Variants in TBC1D16 observed in about 807,000 individuals in gnomAD.
The protein encoded by TBC1D16 is TBC1 domain family member 16.
In TBC1D16, 58 loss-of-function variants were observed where a neutral mutation model predicts 74.7. The ratio of observed to expected loss-of-function variants is 0.78; its 90% CI spans 0.63 to 0.97. The LOEUF is 0.97. Among genes scored for constraint, TBC1D16 ranks in the 50% least tolerant of loss-of-function variants. The pLI is 0.00. For missense variants in TBC1D16, 1,014 were observed against 1,079.5 expected (o/e 0.94, Z 0.85); for synonymous variants, 493 against 474.7 (o/e 1.04, Z -0.50).
At chr17:80,002,250 C>T (rs1419443639) in intron 3 of TBC1D16, among the ~76,000 whole-genome samples, 2 of 152,170 alleles carry the variant, frequency 1.3e-5, no homozygotes, top group African/African-American at 2.4e-5. Flanking sequence ...TCCTCTGTGC[C>T]GTGTAGGAGG....
Position 79,943,897 on chromosome 17 carries a change from G to C in TBC1D16, c.1908+1011C>G, listed in dbSNP as rs770341510. ...AATGAGGCACGATTTTTTTTAATTC[G>C]GGAGTGGTGGGAATGAAGCCTCTCA... On this transcript the variant is annotated intron_variant, in intron 10 of 11. Transcript: ENST00000310924. 2.8e-6 allele frequency: 4 copies of C among 1,405,314 alleles called. No homozygotes were observed. In the Admixed American group the frequency reaches 1.2e-4, roughly 42 times the overall value. The allele number at this position is 1,405,314 out of a possible 1,614,324, so 87.1% of individuals were successfully genotyped here.
In TBC1D16 at chr17:79,983,256, A is replaced by G. The variant is rs1265746613; in HGVS notation, c.779+26904T>C. 6.6e-6 allele frequency among the ~76,000 whole-genome samples: 1 copy of G among 152,232 alleles called. No individual in the cohort carries two copies. The highest frequency in any genetic ancestry group is 2.4e-5 in the African/African-American group (1 of 41,460). The stretch of plus-strand genomic sequence containing the variant: ...CAGGGCATGAATTGAGAATGGCAAG[A>G]CAGACCATGTAATCTCAGGGACTCT... On this transcript the variant is annotated intron_variant, in intron 3 of 11. Transcript: ENST00000310924. The surrounding 1 kb of genome is among the most constrained non-coding windows in gnomAD (Gnocchi z 5.6).
chr17:80,007,771 C>G lies in TBC1D16; in HGVS notation c.779+2389G>C, dbSNP rs1284843187. ...TGAGGCAGAGAGAGCCCCACAAGAT[C>G]TAGAGGCAGAGAGGACGACGAACTT... On this transcript the variant is annotated intron_variant, in intron 3 of 11. Coordinates refer to ENST00000310924, the MANE Select transcript of TBC1D16 (RefSeq NM_019020.4). This position sits in a 1 kb window ranked among gnomAD's most constrained non-coding sequence, Gnocchi z 4.5. Among the ~76,000 whole-genome samples, 6 of 152,078 alleles carry G rather than the reference C, an allele frequency of 3.9e-5. No homozygotes were observed. The highest frequency in any genetic ancestry group is 2.9e-5 in the Non-Finnish European group (2 of 67,998).
intron 1 of TBC1D16, among the ~76,000 whole-genome samples, chr17:80,027,708 A>G (rs765246451): frequency 6.6e-6 from 1 of 151,768 alleles, no homozygotes; most frequent in Non-Finnish European, 1.5e-5. Context: ...CCTGGCCAAC[A>G]TGGCGAAACC....
intron 1 of TBC1D16, among the ~76,000 whole-genome samples, chr17:80,024,482 C>CAT: frequency 2.9e-5 from 4 of 137,810 alleles, no homozygotes; most frequent in South Asian, 2.2e-4. Flanking sequence ...CACCACACAC[C>CAT]ATAGACACAC....
In TBC1D16 at chr17:80,024,684, CAT is replaced by C. The variant is rs1320819105; in HGVS notation, c.-62-11077_-62-11076del. Among the ~76,000 whole-genome samples, 36 of 24,520 alleles carry C rather than the reference CAT, an allele frequency of 1.5e-3. 1 individual carries two copies. The South Asian group carries it at 0.021, about 14-fold the overall frequency. The allele number at this position is 24,520 out of a possible 152,430, so 16.1% of individuals were successfully genotyped here. ...ACCATAGACACACAGACACACATGC[CAT>C]AGACACACATGCCACACACGACACA... On this transcript the variant is annotated intron_variant, in intron 1 of 11. Coordinates refer to ENST00000310924, the MANE Select transcript of TBC1D16 (RefSeq NM_019020.4).
In TBC1D16 at chr17:79,940,906, T is replaced by G. The variant is rs1409226844; in HGVS notation, c.2257A>C (p.Lys753Gln). Residue 753 changes from lysine to glutamine, a missense_variant, in exon 12 of 12, where the codon AAG becomes CAG. By Grantham distance (53) the Lys-to-Gln change is moderately conservative (BLOSUM62 1). Coordinates refer to ENST00000310924, the MANE Select transcript of TBC1D16 (RefSeq NM_019020.4). The surrounding 1 kb of genome is among the most constrained non-coding windows in gnomAD (Gnocchi z 5.4). ...TCCTGCGGCGTCTTTGGGCCCTTCT[T>G]GCCTTCCCTCAGGGACTTGGGGGAA... Reference protein sequence around the residue: ...MPSPKSLREGKKGPKTPQDGF... With the variant: ...MPSPKSLREGQKGPKTPQDGF... 2 of 1,584,484 alleles carry G rather than the reference T, an allele frequency of 1.3e-6. No individual in the cohort carries two copies. Among genetic ancestry groups the G allele is most frequent in the Non-Finnish European group, 1.7e-6 (2 of 1,161,086 alleles).
In TBC1D16 at chr17:79,956,052, C is replaced by T. The variant is rs997191744; in HGVS notation, c.780-3234G>A. Among the ~76,000 whole-genome samples the T allele has an allele frequency of 2.6e-5, 4 of 152,144 alleles. No individual in the cohort carries two copies. Among genetic ancestry groups the T allele is most frequent in the African/African-American group, 7.2e-5 (3 of 41,410 alleles). ...GCACAGTGCAGGCAAGACAGACAGA[C>T]GAGAGCTCATGAGAGAGACACGCAA... On this transcript the variant is annotated intron_variant, in intron 3 of 11. Transcript: ENST00000310924. The surrounding 1 kb of genome is among the most constrained non-coding windows in gnomAD (Gnocchi z 4.0).
chr17:80,001,649 C>T lies in TBC1D16; in HGVS notation c.779+8511G>A, dbSNP rs1449216189. ...GCCCTCCCAGCTCCTGGCCATCCCA[C>T]CTCCGAGGTCTCTCTGGGACCCAGT... is the stretch of plus-strand genomic sequence containing the variant. On this transcript the variant is annotated intron_variant, in intron 3 of 11. Transcript: ENST00000310924. The surrounding 1 kb of genome is among the most constrained non-coding windows in gnomAD (Gnocchi z 5.8). Among the ~76,000 whole-genome samples the T allele has an allele frequency of 2.6e-5, 4 of 152,130 alleles. No homozygotes were observed. The highest frequency in any genetic ancestry group is 9.7e-5 in the African/African-American group (4 of 41,428).
Position 80,010,432 on chromosome 17 carries a change from C to T in TBC1D16, c.507G>A (p.Gly169=), listed in dbSNP as rs1326335942. The T allele has an allele frequency of 2.5e-6, 4 of 1,610,084 alleles. No individual in the cohort carries two copies. In the Middle Eastern group the frequency reaches 6.6e-4, roughly 266 times the overall value. The part of the protein sequence containing the change: ...EDEEKLAQGL[G]VDGAQPASQP... ...GCGAGGCTGGCTGGGCACCATCCAC[C>T]CCCAAGCCCTGCGCCAGCTTCTCCT... is the stretch of plus-strand genomic sequence containing the variant. The change falls in exon 3 of 12, where the codon GGG becomes GGA. Residue 169 remains glycine, a synonymous_variant. Transcript: ENST00000310924. This position sits in a 1 kb window ranked among gnomAD's most constrained non-coding sequence, Gnocchi z 8.8.
intron 3 of TBC1D16, among the ~76,000 whole-genome samples, chr17:80,002,099 G>A (rs905121626): frequency 3.9e-5 from 6 of 152,090 alleles, no homozygotes; most frequent in Non-Finnish European, 8.8e-5. Flanking sequence ...GCAGAGCTTT[G>A]TGAGTCCAGG....
At position 79,949,710 on chromosome 17, in the gene TBC1D16, C is replaced by G. The variant is rs200688554; in HGVS notation, c.1406+7G>C. On this transcript the variant is annotated splice_region_variant and intron_variant, in intron 7 of 11. Coordinates refer to ENST00000310924, the MANE Select transcript of TBC1D16 (RefSeq NM_019020.4). ...GCGGGGTGGGCCGGGCTGGCCCCGG[C>G]GGTTACCTTTTCTGCTGGATCTCAG... 2 of 1,604,098 alleles carry G rather than the reference C, an allele frequency of 1.2e-6. No individual in the cohort carries two copies. The highest frequency in any genetic ancestry group is 2.7e-5 in the African/African-American group (2 of 74,890).
Position 80,010,036 on chromosome 17 carries a change from C to T in TBC1D16, c.779+124G>A. 4.8e-6 allele frequency: 4 copies of T among 825,960 alleles called. No individual in the cohort carries two copies. Among genetic ancestry groups the T allele is most frequent in the East Asian group, 2.7e-5 (1 of 37,166 alleles). The allele number at this position is 825,960 out of a possible 1,614,324, so 51.2% of individuals were successfully genotyped here. On this transcript the variant is annotated intron_variant, in intron 3 of 11. Coordinates refer to ENST00000310924, the MANE Select transcript of TBC1D16 (RefSeq NM_019020.4). The surrounding 1 kb of genome is among the most constrained non-coding windows in gnomAD (Gnocchi z 8.8). ...CCTGCCACAGCCACGGCCACAGCCGCGGGCAGGTCGGGCAGATGCCTCCAG... is the reference window on the plus strand; with the variant it reads ...CCTGCCACAGCCACGGCCACAGCCGTGGGCAGGTCGGGCAGATGCCTCCAG...
chr17:79,960,808 A>AAAAAAAAAAAAAAAAC (rs2033575314), intron 3 of TBC1D16, among the ~76,000 whole-genome samples: 1 of 139,534 alleles, frequency 7.2e-6, no homozygotes, highest in Non-Finnish European at 1.6e-5. Context: ...AAAAAAAAAA[A>AAAAAAAAAAAAAAAAC]ACGAAGGAAT....
chr17:79,989,519 G>A (rs1020030071), intron 3 of TBC1D16, among the ~76,000 whole-genome samples: 2 of 152,258 alleles, frequency 1.3e-5, no homozygotes, highest in Admixed American at 1.3e-4. Flanking sequence ...CATGGACAGA[G>A]TCATAAATAC....
At chr17:80,025,186 A>G (rs1254791940) in intron 1 of TBC1D16, among the ~76,000 whole-genome samples, 1 of 148,154 alleles carries the variant, frequency 6.7e-6, no homozygotes, top group Admixed American at 6.6e-5. Flanking sequence ...CACACATACC[A>G]TGACACACAC....
intron 3 of TBC1D16, among the ~76,000 whole-genome samples, chr17:79,970,354 T>C (rs986553216): frequency 6.6e-6 from 1 of 152,142 alleles, no homozygotes; most frequent in Non-Finnish European, 1.5e-5. Flanking sequence ...AATCAGGTTG[T>C]GATTACACAG....
Position 79,940,821 on chromosome 17 carries a change from A to C in TBC1D16, c.*38T>G. On this transcript the variant is annotated 3_prime_UTR_variant, in exon 12 of 12. Coordinates refer to ENST00000310924, the MANE Select transcript of TBC1D16 (RefSeq NM_019020.4). The surrounding 1 kb of genome is among the most constrained non-coding windows in gnomAD (Gnocchi z 5.4). ...CCTCCCGTGCCCAGGGCCTCTGAGG[A>C]GGTCCCCTCAACCCCTGTCCGGTGT... 6.7e-7 allele frequency: 1 copy of C among 1,486,662 alleles called. No homozygotes were observed. Among genetic ancestry groups the C allele is most frequent in the South Asian group, 1.4e-5 (1 of 72,900 alleles). 92.1% of individuals were successfully genotyped at this position (1,486,662 alleles called of 1,614,324 possible).
rs1248188680 is a variant in TBC1D16, at chr17:79,941,006, G to C, written c.2157C>G (p.Ser719=). Reference sequence around the variant, plus strand: ...GGCCGGTGCACTCCACCGCGGGCATGGAGCCGCTGTCCCACATGCCTGACC... The same window carrying C: ...GGCCGGTGCACTCCACCGCGGGCATCGAGCCGCTGTCCCACATGCCTGACC... ...LCGSGMWDSG[S]MPAVECTGHH... Residue 719 remains serine, a synonymous_variant, in exon 12 of 12, where the codon TCC becomes TCG. Transcript: ENST00000310924. The surrounding 1 kb of genome is among the most constrained non-coding windows in gnomAD (Gnocchi z 4.3). 1 of 1,608,298 alleles carries C rather than the reference G, an allele frequency of 6.2e-7. No homozygotes were observed. The highest frequency in any genetic ancestry group is 1.7e-5 in the Admixed American group (1 of 59,682).
Sources: gnomAD v4.1 joint callset for allele counts (sites outside exome capture counted in the v4.1 genomes callset) on GRCh38, gnomAD v4.1.1 for gene constraint, Gnocchi (gnomAD v3.1) non-coding constraint, MANE v1.5 for transcripts, NCBI Gene and HGNC (gene_info 2026-07-23, HGNC 2026-07-21) for gene names.